The following MAML2 variants were observed in gnomAD, a reference collection of about 807,000 sequenced individuals.
The protein encoded by MAML2 is mastermind-like protein 2.
In MAML2, 22 loss-of-function variants were observed where a neutral mutation model predicts 96.1. That is an observed-to-expected ratio of 0.23 (90% CI 0.16 to 0.33). The LOEUF is 0.33. Among genes scored for constraint, MAML2 ranks in the 10% least tolerant of loss-of-function variants. MAML2 has a pLI of 1.00. For missense variants in MAML2, 1,367 were observed against 1,392.4 expected (o/e 0.98, Z 0.29); for synonymous variants, 561 against 521.3 (o/e 1.08, Z -1.04).
intron 2 of MAML2, among the ~76,000 whole-genome samples, chr11:96,048,303 T>G (rs1858939230): frequency 6.6e-6 from 1 of 152,166 alleles, no homozygotes; most frequent in African/African-American, 2.4e-5. Context: ...TAAGAATTTA[T>G]AAGAATCAAA....
At chr11:96,045,918 T>G (rs201655551) in intron 2 of MAML2, among the ~76,000 whole-genome samples, 1 of 150,462 alleles carries the variant, frequency 6.6e-6, no homozygotes, top group Non-Finnish European at 1.5e-5. Flanking sequence ...TTTTTTTTTT[T>G]CCCCCATTCC....
chr11:96,077,219 C>CTCTTTT (rs1555005491), intron 2 of MAML2, among the ~76,000 whole-genome samples: 1,047 of 94,106 alleles, frequency 0.011, 34 homozygotes, highest in African/African-American at 0.044. Flanking sequence ...CTCTCTCTCT[C>CTCTTTT]TTTTTTTTTT....
chr11:96,177,537 A>G (rs989510510), intron 1 of MAML2, among the ~76,000 whole-genome samples: 1 of 152,238 alleles, frequency 6.6e-6, no homozygotes, highest in Non-Finnish European at 1.5e-5. Flanking sequence ...GTTTAATACT[A>G]AAAATCTGAC....
At chr11:96,316,372 T>C (rs1863633643) in intron 1 of MAML2, among the ~76,000 whole-genome samples, 1 of 152,022 alleles carries the variant, frequency 6.6e-6, no homozygotes, top group South Asian at 2.1e-4. Flanking sequence ...AAAATGCAGG[T>C]TGTAACAAAT....
At chr11:96,166,177 T>TCTCTCTCATACA (rs530578845) in intron 1 of MAML2, among the ~76,000 whole-genome samples, 21 of 110,384 alleles carry the variant, frequency 1.9e-4, no homozygotes, top group Middle Eastern at 5.2e-3. Flanking sequence ...TCTCTCTCTC[T>TCTCTCTCATACA]CACACACACA....
At chr11:96,287,546 A>C (rs554704989) in intron 1 of MAML2, among the ~76,000 whole-genome samples, 1 of 152,352 alleles carries the variant, frequency 6.6e-6, no homozygotes, top group East Asian at 1.9e-4. Context: ...ATTTCATATA[A>C]ATGTATTATA....
At chr11:96,146,257 T>C (rs1487883566) in intron 1 of MAML2, among the ~76,000 whole-genome samples, 2 of 152,224 alleles carry the variant, frequency 1.3e-5, no homozygotes, top group Admixed American at 1.3e-4. Flanking sequence ...AGGTTTCTTA[T>C]AAGGAATTCC....
chr11:96,122,634 C>T (rs987593314), intron 1 of MAML2, among the ~76,000 whole-genome samples: 3 of 152,142 alleles, frequency 2.0e-5, no homozygotes, highest in Non-Finnish European at 4.4e-5. Context: ...AACTATCACA[C>T]CTGTAGGCTT....
Position 96,341,427 on chromosome 11 carries a change from G to T in MAML2, c.469C>A (p.Pro157Thr). The change falls in exon 1 of 5, where the codon CCC (proline) becomes ACC (threonine). Residue 157 changes from proline to threonine, a missense_variant. Pro to Thr is a conservative substitution (Grantham distance 38). Coordinates refer to ENST00000524717, the MANE Select transcript of MAML2 (RefSeq NM_032427.4). ...CTCTGGTCCCCTGGGGTTGAAGCGG[G>T]CGGCTGCTGCTCTCCGTTTATCCCA... ...SGGINGEQQP[P>T]ASTPGDQRNS... 6.5e-7 allele frequency: 1 copy of T among 1,547,760 alleles called. No homozygotes were observed. Among genetic ancestry groups the T allele is most frequent in the Non-Finnish European group, 8.7e-7 (1 of 1,144,638 alleles).
At chr11:96,028,267 T>A (rs1257126222) in intron 2 of MAML2, among the ~76,000 whole-genome samples, 3 of 152,238 alleles carry the variant, frequency 2.0e-5, no homozygotes, top group Non-Finnish European at 4.4e-5. Context: ...ACAGCACCAT[T>A]GCATGTGCTG....
intron 2 of MAML2, among the ~76,000 whole-genome samples, chr11:96,088,574 T>G (rs1016877235): frequency 6.6e-6 from 1 of 152,180 alleles, no homozygotes; most frequent in Non-Finnish European, 1.5e-5. Flanking sequence ...AAGAAAATTA[T>G]AGCCAAGAGG....
At chr11:96,295,801 A>C (rs1863288085) in intron 1 of MAML2, among the ~76,000 whole-genome samples, 1 of 151,744 alleles carries the variant, frequency 6.6e-6, no homozygotes, top group African/African-American at 2.4e-5. Context: ...AGTAGCTTCC[A>C]TATTCATATT....
chr11:96,155,090 G>A (rs1860989483), intron 1 of MAML2, among the ~76,000 whole-genome samples: 2 of 152,130 alleles, frequency 1.3e-5, no homozygotes, highest in Admixed American at 1.3e-4. Flanking sequence ...GCCTATGACT[G>A]GGTAAATAAG....
rs374097158 is a variant in MAML2 at position 96,092,326 on chromosome 11, G to T, written c.1705C>A (p.Gln569Lys). ...LFHFNSDQANQQMPSVLPSQN... is the reference protein window; with the variant it reads ...LFHFNSDQANKQMPSVLPSQN... The stretch of plus-strand genomic sequence containing the variant: ...GAAGGCAAAACAGAAGGCATCTGCT[G>T]GTTCGCTTGATCTGAGTTAAAATGA... Residue 569 changes from glutamine to lysine, a missense_variant, in exon 2 of 5, where the codon CAG becomes AAG. Coordinates refer to ENST00000524717, the MANE Select transcript of MAML2 (RefSeq NM_032427.4). This position sits in a 1 kb window ranked among gnomAD's most constrained non-coding sequence, Gnocchi z 4.1. The T allele has an allele frequency of 1.1e-5, 17 of 1,601,396 alleles. No individual in the cohort carries two copies. The highest frequency in any genetic ancestry group is 1.3e-5 in the Non-Finnish European group (15 of 1,173,800).
At chr11:96,269,618 T>A (rs1263799907) in intron 1 of MAML2, among the ~76,000 whole-genome samples, 1 of 144,416 alleles carries the variant, frequency 6.9e-6, no homozygotes, top group East Asian at 2.0e-4. Context: ...TTCAAGTGAT[T>A]CTATGCCTCA....
At chr11:96,109,071 T>C (rs144676224) in intron 1 of MAML2, among the ~76,000 whole-genome samples, 3 of 152,160 alleles carry the variant, frequency 2.0e-5, no homozygotes, top group Non-Finnish European at 4.4e-5. Context: ...CAGTCAGTAA[T>C]TGAACCAGAT....
intron 1 of MAML2, among the ~76,000 whole-genome samples, chr11:96,184,851 C>T (rs1056566670): frequency 2.0e-5 from 3 of 152,120 alleles, no homozygotes; most frequent in African/African-American, 7.2e-5. Context: ...ACCTCGGCCT[C>T]CCAAAGTGCT....
chr11:96,185,769 GT>G (rs1861565631), intron 1 of MAML2, among the ~76,000 whole-genome samples: 1 of 152,202 alleles, frequency 6.6e-6, no homozygotes, highest in Admixed American at 6.5e-5. Flanking sequence ...AGAACCTTGT[GT>G]ATGCATCACC....
At position 96,092,458 on chromosome 11, in the gene MAML2, G is replaced by A; in HGVS notation, c.1573C>T (p.His525Tyr). The A allele has an allele frequency of 6.2e-7, 1 of 1,612,850 alleles. No individual in the cohort carries two copies. Among genetic ancestry groups the A allele is most frequent in the Non-Finnish European group, 8.5e-7 (1 of 1,179,260 alleles). ...TTTTGCTGCATGAGGACATCTAGGT[G>A]CCCACCCTGGGCTGAGGGGCCGGCC... ...YKAGPSAQGG[H>Y]LDVLMQQKPQ... The change falls in exon 2 of 5, where the codon CAC becomes TAC. Residue 525 changes from histidine to tyrosine, a missense_variant. Coordinates refer to ENST00000524717, the MANE Select transcript of MAML2 (RefSeq NM_032427.4). The surrounding 1 kb of genome is among the most constrained non-coding windows in gnomAD (Gnocchi z 4.1).
Sources: allele counts gnomAD v4.1 joint callset (sites outside exome capture counted in the v4.1 genomes callset), GRCh38; gene constraint gnomAD v4.1.1; non-coding constraint Gnocchi (gnomAD v3.1); transcripts MANE v1.5; gene names NCBI Gene and HGNC (gene_info 2026-07-23, HGNC 2026-07-21).